Variants in NOS3 observed in about 807,000 individuals in gnomAD.
The protein encoded by NOS3 is nitric oxide synthase 3.
A neutral mutation model predicts 144.9 loss-of-function variants in NOS3; 98 were observed. The observed-to-expected ratio is 0.68, with a 90% confidence interval of 0.57 to 0.80. The LOEUF (loss-of-function observed/expected upper bound fraction) is 0.80. Ranked by LOEUF, NOS3 falls within the 30% of genes least tolerant of loss-of-function variation. NOS3 has a pLI of 0.00. For missense variants in NOS3, 1,465 were observed against 1,656.4 expected, an observed-to-expected ratio of 0.88 and a Z score of 2.01; for synonymous variants, 714 against 702.4, an observed-to-expected ratio of 1.02 and a Z score of -0.26.
In NOS3 at chr7:151,010,437, G is replaced by A. The variant is rs3918202; in HGVS notation, c.2685+150G>A. ...GTGCTTTAAGACCCAGCTCCTCAGG[G>A]AGGAATTCATGGCTGGATTCTCCAG... On this transcript the variant is annotated intron_variant, in intron 21 of 26. Coordinates refer to ENST00000297494, the MANE Select transcript of NOS3 (RefSeq NM_000603.5). The A allele has an allele frequency of 2.9e-6, 3 of 1,051,194 alleles. No homozygotes were observed. In the Admixed American group the frequency reaches 8.5e-5, roughly 30 times the overall value. 65.1% of individuals were successfully genotyped at this position (1,051,194 alleles called of 1,614,324 possible).
At chr7:151,005,746 A>G (rs889919833) in intron 14 of NOS3, among the ~76,000 whole-genome samples, 2 of 152,214 alleles carry the variant, frequency 1.3e-5, no homozygotes, top group Non-Finnish European at 2.9e-5. Flanking sequence ...AGTCTCAGTG[A>G]AGTACAATGT....
rs1390837317 is a variant in NOS3 at position 151,011,138 on chromosome 7, G to A, written c.2984+152G>A. ...TGTCATTAGGTCACTTCAGAACTCTGGCTAAGCTTTGGCTCTCTCATTCAT... is the reference window on the plus strand; with the variant it reads ...TGTCATTAGGTCACTTCAGAACTCTAGCTAAGCTTTGGCTCTCTCATTCAT... On this transcript the variant is annotated intron_variant, in intron 23 of 26. Transcript: ENST00000297494. 8.0e-6 allele frequency: 5 copies of A among 622,618 alleles called. No individual in the cohort carries two copies. In the African/African-American group the frequency reaches 9.2e-5, roughly 11 times the overall value. The allele number at this position is 622,618 out of a possible 1,614,324, so 38.6% of individuals were successfully genotyped here.
At position 151,002,315 on chromosome 7, in the gene NOS3, C is replaced by T; in HGVS notation, c.1752+11C>T. 6.8e-7 allele frequency: 1 copy of T among 1,477,354 alleles called. No individual in the cohort carries two copies. The highest frequency in any genetic ancestry group is 1.2e-5 in the South Asian group (1 of 84,250). 91.5% of individuals were successfully genotyped at this position (1,477,354 alleles called of 1,614,324 possible). On this transcript the variant is annotated intron_variant, in intron 14 of 26. Coordinates refer to ENST00000297494, the MANE Select transcript of NOS3 (RefSeq NM_000603.5). This position sits in a 1 kb window ranked among gnomAD's most constrained non-coding sequence, Gnocchi z 4.1. ...CCGGAGAATGGAGAGGTGAGAACTT[C>T]CAGGAAAGGGGCTGCTGGGAATGAG...
chr7:151,010,403 C>G (rs1795279691), intron 21 of NOS3, 116 bp downstream of exon 21: 2 of 1,090,798 alleles, frequency 1.8e-6, no homozygotes, highest in South Asian at 3.2e-5. Context: ...TCCTGGCCGA[C>G]ATGCACTGGT....
chr7:151,012,319 A>G, intron 23 of NOS3, 32 bp from the exon 24 acceptor site: 1 of 1,536,908 alleles, frequency 6.5e-7, no homozygotes. Flanking sequence ...AGGAAAGGCA[A>G]AGGGGACCTG....
Position 151,002,368 on chromosome 7 carries a change from C to A in NOS3, c.1752+64C>A, listed in dbSNP as rs972209578. Reference sequence around the variant, plus strand: ...GAGACTCAGAATTGGAGTGACTGGGCAGGAACCTCTGCCCAACACACACAC... The same window carrying A: ...GAGACTCAGAATTGGAGTGACTGGGAAGGAACCTCTGCCCAACACACACAC... On this transcript the variant is annotated intron_variant, in intron 14 of 26. Coordinates refer to ENST00000297494, the MANE Select transcript of NOS3 (RefSeq NM_000603.5). This position sits in a 1 kb window ranked among gnomAD's most constrained non-coding sequence, Gnocchi z 4.1. The A allele has an allele frequency of 1.8e-5, 11 of 597,816 alleles. No individual in the cohort carries two copies. The highest frequency in any genetic ancestry group is 3.3e-5 in the Non-Finnish European group (11 of 336,834). 37.0% of individuals were successfully genotyped at this position (597,816 alleles called of 1,614,324 possible).
At position 151,010,400 on chromosome 7, in the gene NOS3, C is replaced by T. The variant is rs743507; in HGVS notation, c.2685+113C>T. 854,283 of 1,117,416 alleles carry T rather than the reference C, an allele frequency of 0.76. 327,704 individuals are homozygous for T. Among genetic ancestry groups the T allele is most frequent in the South Asian group, 0.84 (53,549 of 63,622 alleles). 69.2% of individuals were successfully genotyped at this position (1,117,416 alleles called of 1,614,324 possible). ...CCCCCCTGGACTTTCTTCTCCTGGC[C>T]GACATGCACTGGTGCTTTAAGACCC... On this transcript the variant is annotated intron_variant, in intron 21 of 26. Coordinates refer to ENST00000297494, the MANE Select transcript of NOS3 (RefSeq NM_000603.5).
intron 16 of NOS3, 39 bp downstream of exon 16, chr7:151,007,044 G>C (rs754487076): frequency 6.8e-6 from 11 of 1,613,990 alleles, no homozygotes; most frequent in Non-Finnish European, 1.7e-6. Context: ...GGGTGGGCAA[G>C]CTGCCTGGGC....
intron 20 of NOS3, 144 bp from the exon 21 acceptor site, chr7:151,009,971 G>T: frequency 1.6e-6 from 1 of 606,262 alleles, no homozygotes; most frequent in South Asian, 2.0e-5. Context: ...AGGGGCCCCC[G>T]AACAATACAC....
intron 4 of NOS3, 84 bp from the exon 5 acceptor site, chr7:150,996,679 C>A: frequency 6.6e-7 from 1 of 1,515,940 alleles, no homozygotes; most frequent in South Asian, 1.2e-5. Flanking sequence ...CGCCCTCCCC[C>A]AGCACTTGCA....
chr7:151,007,420 C>A, intron 17 of NOS3, 144 bp downstream of exon 17: 1 of 986,312 alleles, frequency 1.0e-6, no homozygotes, highest in South Asian at 1.7e-5. Flanking sequence ...ATAGCCAGCT[C>A]TTCTGGGTCA....
Position 151,011,210 on chromosome 7 carries a change from C to T in NOS3, c.2984+224C>T, listed in dbSNP as rs10255980. ...GAAACTATAGCTCCCAGAGCCAGAG[C>T]TGGGATCAAACCGGCTGGCCCTGTG... is the stretch of plus-strand genomic sequence containing the variant. On this transcript the variant is annotated intron_variant, in intron 23 of 26. Coordinates refer to ENST00000297494, the MANE Select transcript of NOS3 (RefSeq NM_000603.5). 3.2e-3 allele frequency among the ~76,000 whole-genome samples: 482 copies of T among 152,184 alleles called. 1 individual carries two copies. Among genetic ancestry groups the T allele is most frequent in the Middle Eastern group, 0.01 (3 of 294 alleles).
chr7:151,000,043 G>T (rs1795050451), intron 9 of NOS3, among the ~76,000 whole-genome samples: 1 of 147,036 alleles, frequency 6.8e-6, no homozygotes, highest in Non-Finnish European at 1.5e-5. Context: ...GTGTGAGTGT[G>T]GATGTGTGTA....
At chr7:151,013,091 T>C in intron 24 of NOS3, 140 bp from the exon 25 acceptor site, 1 of 906,270 alleles carries the variant, frequency 1.1e-6, no homozygotes, top group Non-Finnish European at 1.7e-6. Flanking sequence ...CTACACTCTC[T>C]TAGAGATGAA....
rs761869672 is a variant in NOS3, at chr7:151,013,922, C to T, written c.3450+4C>T. The T allele has an allele frequency of 3.1e-6, 5 of 1,597,842 alleles. No homozygotes were observed. The South Asian group carries it at 5.6e-5, about 18-fold the overall frequency. On this transcript the variant is annotated splice_donor_region_variant and intron_variant, in intron 26 of 26. Transcript: ENST00000297494. Reference sequence around the variant, plus strand: ...CGACGTCATCGGCGTGCTGCGGGTGCGGAGGGGCGGGCCGGGCCTGAGCGT... The same window carrying T: ...CGACGTCATCGGCGTGCTGCGGGTGTGGAGGGGCGGGCCGGGCCTGAGCGT...
Position 150,996,768 on chromosome 7 carries a change from G to A in NOS3, c.425G>A (p.Gly142Asp). Residue 142 changes from glycine (G) to aspartate (D), a missense_variant, in exon 5 of 27, where the codon GGC becomes GAC. Gly to Asp is a moderately conservative substitution (Grantham distance 94). Transcript: ENST00000297494. ...NQYYSSIKRS[G>D]SQAHEQRLQE... ...CCCACCCCTCTCCTCCCCAGGAGCG[G>A]CTCCCAGGCCCACGAACAGCGGCTT... is the stretch of plus-strand genomic sequence containing the variant. 6.2e-7 allele frequency: 1 copy of A among 1,611,834 alleles called. No individual in the cohort carries two copies. Among genetic ancestry groups the A allele is most frequent in the Non-Finnish European group, 8.5e-7 (1 of 1,179,668 alleles).
intron 21 of NOS3, 82 bp downstream of exon 21, chr7:151,010,369 C>T: frequency 3.0e-6 from 4 of 1,349,734 alleles, no homozygotes; most frequent in African/African-American, 1.5e-5. Flanking sequence ...AACCCCCATG[C>T]AAAGTCCCCC....
Position 150,999,175 on chromosome 7 carries a change from C to G in NOS3, c.957-15C>G. The G allele has an allele frequency of 1.2e-6, 2 of 1,609,680 alleles. No homozygotes were observed. The highest frequency in any genetic ancestry group is 1.7e-6 in the Non-Finnish European group (2 of 1,178,730). On this transcript the variant is annotated splice_polypyrimidine_tract_variant and intron_variant, in intron 8 of 26. Transcript: ENST00000297494. ...CCTGCAAGGGGGTGCTGATCCCACACCCCAACACCCCCAGGCTGGAGTGGT... is the reference window on the plus strand; with the variant it reads ...CCTGCAAGGGGGTGCTGATCCCACAGCCCAACACCCCCAGGCTGGAGTGGT...
chr7:151,001,654 C>A (rs761160168), intron 12 of NOS3, 37 bp downstream of exon 12: 2 of 1,599,176 alleles, frequency 1.3e-6, no homozygotes, highest in South Asian at 1.1e-5. Flanking sequence ...CCACACACAC[C>A]CTGGGGGCCC....
Sources: gnomAD v4.1 joint callset for allele counts (sites outside exome capture counted in the v4.1 genomes callset) on GRCh38, gnomAD v4.1.1 for gene constraint, Gnocchi (gnomAD v3.1) non-coding constraint, MANE v1.5 for transcripts, NCBI Gene and HGNC (gene_info 2026-07-23, HGNC 2026-07-21) for gene names.